SDR42E2: variants seen among roughly 807,000 people sequenced by gnomAD.
SDR42E2 encodes the protein short chain dehydrogenase/reductase family 42E, member 2.
A neutral mutation model predicts 10.5 loss-of-function variants in SDR42E2; 20 were observed. That is an observed-to-expected ratio of 1.90 (90% CI 1.34 to 2.77). The LOEUF (loss-of-function observed/expected upper bound fraction) is 2.77, where lower values mean the gene tolerates loss of function less well. SDR42E2 is among the 30% of genes most tolerant of loss of function. SDR42E2 has a pLI of 0.00. For synonymous variants in SDR42E2, 72 were observed against 39.2 expected (o/e 1.84, Z -3.12); for missense variants, 162 against 104.2 (o/e 1.55, Z -2.42).
At chr16:22,181,681 C>T in intron 9 of SDR42E2, 25 bp downstream of exon 9, 1 of 700,956 alleles carries the variant, frequency 1.4e-6, no homozygotes, top group South Asian at 1.5e-5. Context: ...ATGCCCCCAA[C>T]CACCTTCCCC....
At chr16:22,163,914 C>A (rs1388559803) in intron 1 of SDR42E2, among the ~76,000 whole-genome samples, 1 of 152,152 alleles carries the variant, frequency 6.6e-6, no homozygotes, top group Non-Finnish European at 1.5e-5. Flanking sequence ...TTCTTTCATG[C>A]AGCCAGTATA....
At chr16:22,172,127 A>T (rs979275562) in intron 6 of SDR42E2, 129 bp from the exon 7 acceptor site, 2 of 649,878 alleles carry the variant, frequency 3.1e-6, no homozygotes, top group African/African-American at 3.6e-5. Context: ...AGGAAAGGCC[A>T]TGGGGCTCAG....
chr16:22,168,939 A>G (rs140684685), intron 4 of SDR42E2, among the ~76,000 whole-genome samples: 213 of 152,296 alleles, frequency 1.4e-3, no homozygotes, highest in African/African-American at 4.2e-3. Context: ...GTGTGATGAG[A>G]ATTAAATGAG....
intron 12 of SDR42E2, among the ~76,000 whole-genome samples, chr16:22,187,175 A>G (rs1047953593): frequency 1.3e-5 from 2 of 152,112 alleles, no homozygotes; most frequent in African/African-American, 4.8e-5. Context: ...ACATACACAC[A>G]CACAACAGCC....
At chr16:22,166,217 G>A (rs61998203) in intron 2 of SDR42E2, 33 bp from the exon 3 acceptor site, 6,083 of 406,074 alleles carry the variant, frequency 0.015, 305 homozygotes, top group African/African-American at 0.11. Context: ...ACTGGGCCCA[G>A]ACCCAGTGAG....
intron 5 of SDR42E2, 75 bp from the exon 6 acceptor site, chr16:22,170,758 T>C: frequency 1.4e-6 from 1 of 699,972 alleles, no homozygotes; most frequent in Non-Finnish European, 2.6e-6. Context: ...CTATGCTCAC[T>C]TGTGTCCCGT....
intron 6 of SDR42E2, 133 bp downstream of exon 6, chr16:22,171,084 G>A: frequency 4.6e-6 from 3 of 652,852 alleles, no homozygotes; most frequent in South Asian, 1.7e-5. Flanking sequence ...TCCCAAAACT[G>A]GGTGGCGTCA....
intron 4 of SDR42E2, among the ~76,000 whole-genome samples, chr16:22,169,202 G>A (rs1009786533): frequency 6.6e-6 from 1 of 152,176 alleles, no homozygotes; most frequent in African/African-American, 2.4e-5. Context: ...CCCAGGGGAG[G>A]AGGTTGGCCC....
intron 7 of SDR42E2, among the ~76,000 whole-genome samples, chr16:22,176,200 C>T (rs1259473508): frequency 6.6e-6 from 1 of 152,098 alleles, no homozygotes; most frequent in Non-Finnish European, 1.5e-5. Context: ...CTCACTGCAG[C>T]CTCAAAGTCT....
intron 12 of SDR42E2, among the ~76,000 whole-genome samples, chr16:22,187,748 C>T (rs1413666983): frequency 1.3e-5 from 2 of 152,066 alleles, no homozygotes; most frequent in Non-Finnish European, 2.9e-5. Flanking sequence ...AGGATGTTTT[C>T]ATCACAGATT....
chr16:22,186,454 G>A (rs1429614252), intron 11 of SDR42E2, among the ~76,000 whole-genome samples: 3 of 152,074 alleles, frequency 2.0e-5, no homozygotes, highest in South Asian at 2.1e-4. Context: ...CAATCCGCCC[G>A]CCTCAGCCTC....
rs1414617839 is a variant in SDR42E2, at chr16:22,181,580, G to A, written c.734G>A (p.Trp245Ter). ...RFGDHKARMN[W>*]VHVHNLVQAH... Reference sequence around the variant, plus strand: ...GGGGACCACAAGGCACGGATGAACTGGGTCCACGTACACAATCTGGTGCAG... The same window carrying A: ...GGGGACCACAAGGCACGGATGAACTAGGTCCACGTACACAATCTGGTGCAG... Residue 245 changes from tryptophan to a stop codon, truncating the protein, a stop_gained, in exon 9 of 13, where the codon TGG becomes TAG. Transcript: ENST00000602312. LOFTEE classifies it high-confidence loss of function. 3 of 702,950 alleles carry A rather than the reference G, an allele frequency of 4.3e-6. No homozygotes were observed. The highest frequency in any genetic ancestry group is 3.5e-5 in the African/African-American group (2 of 57,262). The allele number at this position is 702,950 out of a possible 1,614,324, so 43.5% of individuals were successfully genotyped here.
At chr16:22,168,212 T>A (rs1379836634) in intron 4 of SDR42E2, among the ~76,000 whole-genome samples, 4 of 151,922 alleles carry the variant, frequency 2.6e-5, no homozygotes, top group African/African-American at 9.7e-5. Flanking sequence ...CTGGGCAACA[T>A]AGTGAGACCC....
chr16:22,170,766 C>G (rs920392983), intron 5 of SDR42E2, 67 bp from the exon 6 acceptor site: 18 of 700,022 alleles, frequency 2.6e-5, no homozygotes, highest in South Asian at 8.9e-5. Flanking sequence ...ACTTGTGTCC[C>G]GTGTGTGTCT....
intron 4 of SDR42E2, among the ~76,000 whole-genome samples, chr16:22,167,293 C>T (rs1317838208): frequency 7.3e-6 from 1 of 136,548 alleles, no homozygotes; most frequent in Admixed American, 8.6e-5. Context: ...TCAAGTGGTT[C>T]TTCTGCCTCA....
chr16:22,175,271 G>A (rs146625593), intron 7 of SDR42E2, among the ~76,000 whole-genome samples: 39 of 152,000 alleles, frequency 2.6e-4, no homozygotes, highest in African/African-American at 8.7e-4. Flanking sequence ...ACCAGCCCGG[G>A]CAACATGGCA....
rs2046593624 is a variant in SDR42E2, at chr16:22,170,878, T to TCA, written c.441_442dup (p.Asn148ThrfsTer10). Reference sequence around the variant, plus strand: ...CCAAGGCTCATCTATACCAGCACTGTCAATGTTGCATTTGGAGGGAAGCCC... The same window carrying TCA: ...CCAAGGCTCATCTATACCAGCACTGTCACAATGTTGCATTTGGAGGGAAGCCC... On this transcript the variant is annotated frameshift_variant, in exon 6 of 13. Coordinates refer to ENST00000602312, the MANE Select transcript of SDR42E2 (RefSeq NM_001394319.2). LOFTEE classifies it high-confidence loss of function. The TCA allele has an allele frequency of 1.4e-6, 1 of 703,036 alleles. No individual in the cohort carries two copies. The highest frequency in any genetic ancestry group is 2.0e-5 in the Admixed American group (1 of 50,006). The allele number at this position is 703,036 out of a possible 1,614,324, so 43.5% of individuals were successfully genotyped here.
rs552350315 is a variant in SDR42E2 at position 22,181,480 on chromosome 16, C to T, written c.673-39C>T. 5.6e-5 allele frequency: 39 copies of T among 702,692 alleles called. 1 individual carries two copies. Among genetic ancestry groups the T allele is most frequent in the South Asian group, 3.6e-4 (24 of 67,530 alleles). The allele number at this position is 702,692 out of a possible 1,614,324, so 43.5% of individuals were successfully genotyped here. A position where few individuals can be genotyped will look rare whatever the true frequency, so the allele number is the denominator to read the frequency against. On this transcript the variant is annotated intron_variant, in intron 8 of 12. Coordinates refer to ENST00000602312, the MANE Select transcript of SDR42E2 (RefSeq NM_001394319.2). ...ATCTAGACGGAATGTAAAGCCACAC[C>T]GGACACAAGCCTGTTTATCACCCAC...
In SDR42E2 at chr16:22,167,164, CATTTTTTTTTTTTTTTTTT is replaced by C. The variant is rs2046549232; in HGVS notation, c.336+166_336+184del. ...CCATGACACCAAATACCAGTTCTGC[CATTTTTTTTTTTTTTTTTT>C]TTTTTTTTTTTTTTTTTTTTGAGAC... On this transcript the variant is annotated intron_variant, in intron 4 of 12. Coordinates refer to ENST00000602312, the MANE Select transcript of SDR42E2 (RefSeq NM_001394319.2). Among the ~76,000 whole-genome samples, 19 of 106,618 alleles carry C rather than the reference CATTTTTTTTTTTTTTTTTT, an allele frequency of 1.8e-4. No individual in the cohort carries two copies. In the Admixed American group the frequency reaches 2.1e-3, roughly 12 times the overall value. The allele number at this position is 106,618 out of a possible 152,430, so 69.9% of individuals were successfully genotyped here.
Sources: allele counts gnomAD v4.1 joint callset (sites outside exome capture counted in the v4.1 genomes callset), GRCh38; gene constraint gnomAD v4.1.1; transcripts MANE v1.5; gene names NCBI Gene and HGNC (gene_info 2026-07-23, HGNC 2026-07-21).